ERCC6L2: variants seen among roughly 807,000 people sequenced by gnomAD.
The protein encoded by ERCC6L2 is DNA excision repair protein ERCC-6-like 2.
Under a neutral mutation model 132.0 loss-of-function variants are expected in ERCC6L2, and 77 were observed. The observed-to-expected ratio is 0.58, with a 90% CI of 0.49 to 0.71. ERCC6L2 has a LOEUF of 0.71. ERCC6L2 is among the 30% of genes least tolerant of loss of function. The pLI is 0.00. For synonymous variants in ERCC6L2, 583 were observed against 632.4 expected (o/e 0.92, Z 1.17); for missense variants, 1,542 against 1,837.6 (o/e 0.84, Z 2.94).
intron 19 of ERCC6L2, among the ~76,000 whole-genome samples, chr9:96,023,614 T>C (rs1435959609): frequency 2.0e-5 from 3 of 152,216 alleles, no homozygotes; most frequent in Non-Finnish European, 1.5e-5. Flanking sequence ...CAGTGCTATT[T>C]CCGAATGGAG....
rs933869569 is a variant in ERCC6L2 at position 95,909,593 on chromosome 9, A to G, written c.788+2322A>G. On this transcript the variant is annotated intron_variant, in intron 4 of 18. Coordinates refer to ENST00000653738, the MANE Select transcript of ERCC6L2 (RefSeq NM_020207.7). Reference sequence around the variant, plus strand: ...GTGTGTGTCGCATCTTTTGTTCAGCATGTTTTTTGAGATTCATTCATGTTG... The same window carrying G: ...GTGTGTGTCGCATCTTTTGTTCAGCGTGTTTTTTGAGATTCATTCATGTTG... Among the ~76,000 whole-genome samples the G allele has an allele frequency of 5.2e-4, 79 of 152,048 alleles. 4 individuals carry two copies. Among genetic ancestry groups the G allele is most frequent in the Non-Finnish European group, 4.4e-5 (3 of 67,992 alleles).
chr9:95,936,830 A>G (rs923160687), intron 11 of ERCC6L2, among the ~76,000 whole-genome samples: 1 of 152,146 alleles, frequency 6.6e-6, no homozygotes, highest in African/African-American at 2.4e-5. Context: ...CCATTTCTGT[A>G]ATTTAGAACA....
intron 9 of ERCC6L2, among the ~76,000 whole-genome samples, chr9:95,926,894 AAG>A (rs1313492358): frequency 2.6e-5 from 4 of 152,100 alleles, no homozygotes; most frequent in African/African-American, 7.2e-5. Flanking sequence ...AGATATTAAT[AAG>A]AGAAAGTGTG....
At chr9:95,936,310 G>A (rs1235177807) in intron 11 of ERCC6L2, among the ~76,000 whole-genome samples, 1 of 152,150 alleles carries the variant, frequency 6.6e-6, no homozygotes, top group East Asian at 1.9e-4. Flanking sequence ...AGTATTAGAT[G>A]TAGCTCATTA....
chr9:96,036,998 C>G (rs1284913349), intron 19 of ERCC6L2, among the ~76,000 whole-genome samples: 1 of 151,738 alleles, frequency 6.6e-6, no homozygotes, highest in Non-Finnish European at 1.5e-5. Context: ...GATCTCCTGA[C>G]CTCGTGATCC....
chr9:95,958,805 G>T (rs918851317), intron 13 of ERCC6L2, among the ~76,000 whole-genome samples: 2 of 152,020 alleles, frequency 1.3e-5, no homozygotes, highest in African/African-American at 4.8e-5. Context: ...AAATACCTAG[G>T]AATCCTACTT....
intron 17 of ERCC6L2, among the ~76,000 whole-genome samples, chr9:95,990,426 A>AG (rs765431747): frequency 2.4e-4 from 36 of 152,198 alleles, no homozygotes; most frequent in South Asian, 6.2e-4. Flanking sequence ...CAAGACTCGG[A>AG]GGGGGGGTCC....
rs113101938 is a variant in ERCC6L2, at chr9:95,935,828, G to A, written c.1752-5626G>A. 4.4e-3 allele frequency among the ~76,000 whole-genome samples: 663 copies of A among 152,214 alleles called. 6 individuals carry two copies. The highest frequency in any genetic ancestry group is 7.0e-3 in the Non-Finnish European group (474 of 68,024). Reference sequence around the variant, plus strand: ...AAGCTACAAACAGCTTTCTAAGCAAGCCCTGTAATTTGAACTACAATGCTT... The same window carrying A: ...AAGCTACAAACAGCTTTCTAAGCAAACCCTGTAATTTGAACTACAATGCTT... On this transcript the variant is annotated intron_variant, in intron 11 of 18. Coordinates refer to ENST00000653738, the MANE Select transcript of ERCC6L2 (RefSeq NM_020207.7).
At chr9:95,896,422 A>ATT (rs796966508) in intron 2 of ERCC6L2, among the ~76,000 whole-genome samples, 8 of 63,274 alleles carry the variant, frequency 1.3e-4, no homozygotes, top group African/African-American at 3.6e-4. Context: ...TTTTTTTTTG[A>ATT]TTTTTTTTTT....
chr9:96,011,130 C>CT (rs1834013299), intron 18 of ERCC6L2, among the ~76,000 whole-genome samples: 1 of 152,130 alleles, frequency 6.6e-6, no homozygotes, highest in Non-Finnish European at 1.5e-5. Flanking sequence ...GACTGGGTGG[C>CT]TTAAACAACA....
intron 12 of ERCC6L2, among the ~76,000 whole-genome samples, chr9:95,952,116 C>T (rs1049529783): frequency 1.4e-5 from 2 of 139,958 alleles, no homozygotes; most frequent in South Asian, 2.2e-4. Flanking sequence ...TGCAGTGAGC[C>T]GAGATCAAGC....
intron 12 of ERCC6L2, among the ~76,000 whole-genome samples, chr9:95,945,279 T>C (rs1270818443): frequency 6.6e-6 from 1 of 152,238 alleles, no homozygotes; most frequent in Non-Finnish European, 1.5e-5. Context: ...AAGAGAAATA[T>C]GGCTCTGTTC....
At chr9:96,036,957 G>A (rs965172323) in intron 19 of ERCC6L2, among the ~76,000 whole-genome samples, 8 of 150,732 alleles carry the variant, frequency 5.3e-5, no homozygotes, top group Admixed American at 1.3e-4. Context: ...TAGTAGAGAC[G>A]GGGTTTCACC....
chr9:95,979,856 C>A (rs188470157), intron 17 of ERCC6L2, among the ~76,000 whole-genome samples: 50 of 152,204 alleles, frequency 3.3e-4, no homozygotes, highest in East Asian at 1.2e-3. Context: ...ATATCAGAAT[C>A]TTTTAAACAG....
intron 3 of ERCC6L2, among the ~76,000 whole-genome samples, chr9:95,905,380 C>A (rs1353279850): frequency 6.6e-6 from 1 of 152,140 alleles, no homozygotes; most frequent in Non-Finnish European, 1.5e-5. Flanking sequence ...TATGTTGCCA[C>A]CTTAATTTTT....
Position 95,966,685 on chromosome 9 carries a change from G to A in ERCC6L2, c.2071G>A (p.Gly691Arg). 1 of 1,492,572 alleles carries A rather than the reference G, an allele frequency of 6.7e-7. No individual in the cohort carries two copies. Among genetic ancestry groups the A allele is most frequent in the Non-Finnish European group, 9.1e-7 (1 of 1,100,088 alleles). The allele number at this position is 1,492,572 out of a possible 1,614,324, so 92.5% of individuals were successfully genotyped here. Residue 691 changes from glycine (G) to arginine (R), a missense_variant, in exon 14 of 19, where the codon GGG (glycine) becomes AGG (arginine). Around this residue, in one of 4 missense-constraint regions of ERCC6L2, gnomAD observed 945 missense variants for 1,105.2 expected, o/e 0.86. Transcript: ENST00000653738. ...IHNLFKFRSQGSCLTKDILER... is the reference protein window; with the variant it reads ...IHNLFKFRSQRSCLTKDILER... ...TAACCTCTTCAAATTTAGGTCCCAA[G>A]GGTCTTGTCTTACGAAGGACATCCT...
intron 19 of ERCC6L2, among the ~76,000 whole-genome samples, chr9:96,038,211 A>G (rs1291397776): frequency 6.6e-6 from 1 of 152,136 alleles, no homozygotes; most frequent in Non-Finnish European, 1.5e-5. Context: ...GCAAAGTTGC[A>G]TTTGTTTGTA....
chr9:95,909,984 G>A (rs945410010), intron 4 of ERCC6L2, among the ~76,000 whole-genome samples: 2 of 152,200 alleles, frequency 1.3e-5, no homozygotes, highest in African/African-American at 2.4e-5. Flanking sequence ...TAGATGTGTA[G>A]TAGTATCTTG....
chr9:95,959,418 A>C (rs1445247719), intron 13 of ERCC6L2, among the ~76,000 whole-genome samples: 1 of 151,830 alleles, frequency 6.6e-6, no homozygotes, highest in African/African-American at 2.4e-5. Context: ...ACCTAAAACC[A>C]TAAAAACCCT....
Sources: allele counts gnomAD v4.1 joint callset (sites outside exome capture counted in the v4.1 genomes callset), GRCh38; gene constraint gnomAD v4.1.1; regional missense constraint gnomAD v4.1.1; transcripts MANE v1.5; gene names NCBI Gene and HGNC (gene_info 2026-07-23, HGNC 2026-07-21).